The following YTHDF3 variants were observed in gnomAD, a reference collection of about 807,000 sequenced individuals.
The protein encoded by YTHDF3 is YTH domain-containing family protein 3.
A neutral mutation model predicts 52.5 loss-of-function variants in YTHDF3; 9 were observed. The observed-to-expected ratio is 0.17, with a 90% confidence interval of 0.10 to 0.30. YTHDF3 has a LOEUF of 0.30. Among genes scored for constraint, YTHDF3 ranks in the 10% least tolerant of loss-of-function variants. The pLI is 1.00. For synonymous variants in YTHDF3, 274 were observed against 243.3 expected (o/e 1.13, Z -1.18); for missense variants, 534 against 715.0 (o/e 0.75, Z 2.89).
At chr8:63,203,756 GCTTT>G (rs1809800580) in intron 4 of YTHDF3, among the ~76,000 whole-genome samples, 1 of 152,112 alleles carries the variant, frequency 6.6e-6, no homozygotes. Context: ...TTTCCGTCTT[GCTTT>G]GTTTCCCATT....
At chr8:63,182,955 C>CTTTTTTT (rs11381385) in intron 3 of YTHDF3, among the ~76,000 whole-genome samples, 1 of 143,622 alleles carries the variant, frequency 7.0e-6, no homozygotes, top group Non-Finnish European at 1.5e-5. Flanking sequence ...ACAGTTTTAT[C>CTTTTTTT]TTTTTTTTTT....
In YTHDF3 at chr8:63,168,821, G is replaced by T; in HGVS notation, c.-57G>T. 5.2e-6 allele frequency: 8 copies of T among 1,551,260 alleles called. No homozygotes were observed. Among genetic ancestry groups the T allele is most frequent in the Non-Finnish European group, 7.0e-6 (8 of 1,147,478 alleles). ...AGGGCGACAGCCAACTGCTGTGAGT[G>T]CACGGGGAGAGGCCCAGGCAGCGGC... On this transcript the variant is annotated 5_prime_UTR_variant, in exon 1 of 5. Coordinates refer to ENST00000539294, the MANE Select transcript of YTHDF3 (RefSeq NM_152758.6).
At chr8:63,207,956 A>G (rs1271255449) in intron 4 of YTHDF3, among the ~76,000 whole-genome samples, 2 of 152,198 alleles carry the variant, frequency 1.3e-5, no homozygotes, top group Admixed American at 6.5e-5. Flanking sequence ...TTATGTTTCA[A>G]CTGGTTTGTG....
chr8:63,194,241 C>T (rs1193868676), intron 4 of YTHDF3, among the ~76,000 whole-genome samples: 2 of 152,228 alleles, frequency 1.3e-5, no homozygotes, highest in Admixed American at 6.5e-5. Flanking sequence ...CCCAGCATTT[C>T]GGGAGGCCGA....
intron 4 of YTHDF3, among the ~76,000 whole-genome samples, chr8:63,203,841 C>T (rs545051766): frequency 6.6e-6 from 1 of 152,208 alleles, no homozygotes; most frequent in Non-Finnish European, 1.5e-5. Flanking sequence ...GATACTTTCT[C>T]ATGATTAGAC....
At chr8:63,173,561 G>C (rs904171862) in intron 2 of YTHDF3, 2 of 671,746 alleles carry the variant, frequency 3.0e-6, no homozygotes, top group Non-Finnish European at 3.7e-6. Context: ...GTTGTTAGCT[G>C]TTTCAAATAC....
intron 4 of YTHDF3, 94 bp from the exon 5 acceptor site, chr8:63,209,589 G>T (rs1810255239): frequency 8.1e-7 from 1 of 1,234,276 alleles, no homozygotes; most frequent in Non-Finnish European, 1.1e-6. Flanking sequence ...ATATGGAGAT[G>T]ATTTACATTA....
At chr8:63,168,937 C>T in intron 1 of YTHDF3, 36 bp downstream of exon 1, 1 of 1,547,866 alleles carries the variant, frequency 6.5e-7, no homozygotes, top group East Asian at 2.5e-5. Context: ...GGCGAAGGCC[C>T]GAGCCCCGGA....
At chr8:63,180,864 C>G (rs1241434229) in intron 3 of YTHDF3, among the ~76,000 whole-genome samples, 1 of 152,130 alleles carries the variant, frequency 6.6e-6, no homozygotes, top group East Asian at 1.9e-4. Context: ...ATCGCAGGCA[C>G]TCGGCAGGCT....
chr8:63,207,074 T>C (rs1810082881), intron 4 of YTHDF3, among the ~76,000 whole-genome samples: 1 of 152,202 alleles, frequency 6.6e-6, no homozygotes, highest in African/African-American at 2.4e-5. Context: ...TCTCCTGCTC[T>C]CTTAAAAATG....
At chr8:63,172,901 T>A (rs560475907) in intron 2 of YTHDF3, 1 of 952,956 alleles carries the variant, frequency 1.0e-6, no homozygotes, top group African/African-American at 1.7e-5. Flanking sequence ...AGACATTAGC[T>A]TGTCATTAAG....
Position 63,212,248 on chromosome 8 carries a change from C to G in YTHDF3, c.*2542C>G, listed in dbSNP as rs1810405983. The G allele has an allele frequency of 6.6e-6, 1 of 152,596 alleles. No homozygotes were observed. Among genetic ancestry groups the G allele is most frequent in the Admixed American group, 6.5e-5 (1 of 15,278 alleles). 9.5% of individuals were successfully genotyped at this position (152,596 alleles called of 1,614,324 possible). ...TGTATATTTAACAGTAAGGAGGAAA[C>G]TGTAACCAAAATTAGTATTTCTCTA... On this transcript the variant is annotated 3_prime_UTR_variant, in exon 5 of 5. Transcript: ENST00000539294.
In YTHDF3 at chr8:63,182,847, G is replaced by GT. The variant is rs537525981; in HGVS notation, c.136-3293dup. ...TTTAGAATGAGTATCTTATATCAAT[G>GT]TTTTTTTACAATGTATGCATTTGAT... On this transcript the variant is annotated intron_variant, in intron 3 of 4. Transcript: ENST00000539294. Among the ~76,000 whole-genome samples, 295 of 150,958 alleles carry GT rather than the reference G, an allele frequency of 2.0e-3. 1 individual carries two copies. Among genetic ancestry groups the GT allele is most frequent in the African/African-American group, 5.2e-3 (213 of 41,030 alleles).
chr8:63,173,897 T>G (rs770640512), intron 2 of YTHDF3, among the ~76,000 whole-genome samples: 3 of 152,196 alleles, frequency 2.0e-5, no homozygotes, highest in East Asian at 1.9e-4. Context: ...TCAGGTTGCT[T>G]CTTGTGGCCT....
At chr8:63,175,219 G>T in intron 2 of YTHDF3, 112 bp from the exon 3 acceptor site, 1 of 710,166 alleles carries the variant, frequency 1.4e-6, no homozygotes. Flanking sequence ...AAATAACTCA[G>T]TATTATTTTT....
intron 4 of YTHDF3, among the ~76,000 whole-genome samples, chr8:63,207,559 T>C (rs957203530): frequency 6.6e-6 from 1 of 152,200 alleles, no homozygotes; most frequent in South Asian, 2.1e-4. Flanking sequence ...TTGGAAGTTA[T>C]GCATTATATA....
chr8:63,186,078 C>T, intron 3 of YTHDF3, 69 bp from the exon 4 acceptor site: 1 of 1,421,506 alleles, frequency 7.0e-7, no homozygotes, highest in South Asian at 1.4e-5. Flanking sequence ...TGATTTTAAT[C>T]TTTCAGATTT....
intron 3 of YTHDF3, among the ~76,000 whole-genome samples, chr8:63,180,077 C>T (rs1235220685): frequency 1.8e-5 from 2 of 110,860 alleles, no homozygotes; most frequent in Non-Finnish European, 4.4e-5. Flanking sequence ...GGGGGCTGAC[C>T]CCCCCCACCT....
chr8:63,196,020 T>G (rs1010504336), intron 4 of YTHDF3, among the ~76,000 whole-genome samples: 2 of 152,092 alleles, frequency 1.3e-5, no homozygotes, highest in Admixed American at 1.3e-4. Flanking sequence ...CAGGTTGGTT[T>G]AGAACTTAGA....
Sources: gnomAD v4.1 joint callset for allele counts (sites outside exome capture counted in the v4.1 genomes callset) on GRCh38, gnomAD v4.1.1 for gene constraint, MANE v1.5 for transcripts, NCBI Gene and HGNC (gene_info 2026-07-23, HGNC 2026-07-21) for gene names.